The following RAPGEF2 variants were observed in gnomAD, a reference collection of about 807,000 sequenced individuals.
RAPGEF2 encodes the protein Rap guanine nucleotide exchange factor 2.
Under a neutral mutation model 186.7 loss-of-function variants are expected in RAPGEF2, and 54 were observed. The ratio of observed to expected loss-of-function variants is 0.29; its 90% CI spans 0.23 to 0.36. The LOEUF is 0.36. Among genes scored for constraint, RAPGEF2 ranks in the 10% least tolerant of loss-of-function variants. RAPGEF2 has a pLI of 1.00. For missense variants in RAPGEF2, 1,532 were observed against 2,045.0 expected, an observed-to-expected ratio of 0.75 and a Z score of 4.84; for synonymous variants, 712 against 705.9, an observed-to-expected ratio of 1.01 and a Z score of -0.14.
intron 8 of RAPGEF2, among the ~76,000 whole-genome samples, chr4:159,308,928 T>A (rs1763627586): frequency 6.6e-6 from 1 of 152,080 alleles, no homozygotes; most frequent in Non-Finnish European, 1.5e-5. Context: ...AAATAATAGT[T>A]GCAGAGAGTA....
chr4:159,126,463 TTATA>T (rs1157908566), intron 1 of RAPGEF2, among the ~76,000 whole-genome samples: 2 of 152,058 alleles, frequency 1.3e-5, no homozygotes. Context: ...TTAGTTTTCT[TTATA>T]TATGAAATAA....
intron 5 of RAPGEF2, 59 bp from the exon 6 acceptor site, chr4:159,241,142 T>A: frequency 7.7e-6 from 10 of 1,292,970 alleles, no homozygotes; most frequent in Non-Finnish European, 1.0e-6. Context: ...TTTCTGTATC[T>A]AATATTAATA....
intron 4 of RAPGEF2, among the ~76,000 whole-genome samples, chr4:159,233,782 A>G (rs946462250): frequency 1.3e-5 from 2 of 152,064 alleles, no homozygotes; most frequent in Non-Finnish European, 2.9e-5. Context: ...ATTTAAAAAT[A>G]TATATATAAG....
chr4:159,319,435 G>A lies in RAPGEF2; in HGVS notation c.854-2912G>A, dbSNP rs186083714. 2.0e-4 allele frequency among the ~76,000 whole-genome samples: 31 copies of A among 152,186 alleles called. No homozygotes were observed. The East Asian group carries it at 6.0e-3, about 29-fold the overall frequency. Reference sequence around the variant, plus strand: ...AACTATCCCCCCGCACCCACCAAGAGTGGAAAAATTGTCTTTCACGAAACC... The same window carrying A: ...AACTATCCCCCCGCACCCACCAAGAATGGAAAAATTGTCTTTCACGAAACC... On this transcript the variant is annotated intron_variant, in intron 9 of 29. Transcript: ENST00000691494.
chr4:159,195,411 G>C (rs937691904), intron 3 of RAPGEF2, among the ~76,000 whole-genome samples: 3 of 152,212 alleles, frequency 2.0e-5, no homozygotes, highest in African/African-American at 7.2e-5. Context: ...GGATAGTATT[G>C]ATGATGATGA....
chr4:159,311,059 C>T (rs1763892743), intron 8 of RAPGEF2, among the ~76,000 whole-genome samples: 1 of 151,952 alleles, frequency 6.6e-6, no homozygotes, highest in Non-Finnish European at 1.5e-5. Flanking sequence ...GTTGGTCACA[C>T]CTGATTTTGA....
intron 3 of RAPGEF2, among the ~76,000 whole-genome samples, chr4:159,194,990 G>A (rs373127966): frequency 2.0e-5 from 3 of 152,176 alleles, no homozygotes; most frequent in African/African-American, 7.2e-5. Flanking sequence ...AGGGAATGGA[G>A]GAGTCAGGGA....
chr4:159,282,930 A>G (rs1291528330), intron 7 of RAPGEF2, among the ~76,000 whole-genome samples: 1 of 152,210 alleles, frequency 6.6e-6, no homozygotes, highest in Non-Finnish European at 1.5e-5. Flanking sequence ...CTATAACTGC[A>G]CATACTGCTG....
chr4:159,297,237 T>C (rs536677816), intron 7 of RAPGEF2, among the ~76,000 whole-genome samples: 16 of 152,180 alleles, frequency 1.1e-4, no homozygotes, highest in Non-Finnish European at 2.2e-4. Context: ...ATGCATCCCT[T>C]CCCCCAACCC....
chr4:159,250,540 G>C (rs1755191682), intron 7 of RAPGEF2, among the ~76,000 whole-genome samples: 1 of 152,122 alleles, frequency 6.6e-6, no homozygotes, highest in East Asian at 1.9e-4. Flanking sequence ...AGATGTCTAT[G>C]AGAATAGCAA....
In RAPGEF2 at chr4:159,350,254, C is replaced by A; in HGVS notation, c.3830C>A (p.Ser1277Tyr). 1.3e-6 allele frequency: 2 copies of A among 1,598,498 alleles called. No homozygotes were observed. The highest frequency in any genetic ancestry group is 1.7e-6 in the Non-Finnish European group (2 of 1,173,236). The change falls in exon 26 of 30, where the codon TCT (serine) becomes TAT (tyrosine). Residue 1277 changes from serine (S) to tyrosine (Y), a missense_variant. Coordinates refer to ENST00000691494, the MANE Select transcript of RAPGEF2 (RefSeq NM_001394067.2). ...TCAAATGCATCTTCGCAGCTTTCTTCTCCTCCTACTTCTCCACAGAGTTCT... is the reference window on the plus strand; with the variant it reads ...TCAAATGCATCTTCGCAGCTTTCTTATCCTCCTACTTCTCCACAGAGTTCT... ...TISNASSQLS[S>Y]PPTSPQSSPR...
At chr4:159,181,321 C>T (rs1017917826) in intron 1 of RAPGEF2, among the ~76,000 whole-genome samples, 1 of 152,196 alleles carries the variant, frequency 6.6e-6, no homozygotes, top group Non-Finnish European at 1.5e-5. Flanking sequence ...ACTTCTCCAT[C>T]CTTTCCTGAC....
At chr4:159,205,384 CACTT>C (rs1220712791) in intron 3 of RAPGEF2, among the ~76,000 whole-genome samples, 3 of 152,126 alleles carry the variant, frequency 2.0e-5, no homozygotes, top group Non-Finnish European at 2.9e-5. Context: ...ACTACCACTA[CACTT>C]ACTTCTTGTC....
chr4:159,329,697 G>A (rs1766401255), intron 11 of RAPGEF2, 161 bp from the exon 12 acceptor site: 2 of 450,634 alleles, frequency 4.4e-6, no homozygotes. Context: ...TACATTAAAA[G>A]TAGAGAAGTC....
At position 159,198,413 on chromosome 4, in the gene RAPGEF2, C is replaced by CCT. The variant is rs70962662; in HGVS notation, c.197+5176_197+5177dup. Among the ~76,000 whole-genome samples, 1,065 of 111,348 alleles carry CCT rather than the reference C, an allele frequency of 9.6e-3. 38 individuals carry two copies. Among genetic ancestry groups the CCT allele is most frequent in the South Asian group, 0.035 (120 of 3,386 alleles). The allele number at this position is 111,348 out of a possible 152,430, so 73.0% of individuals were successfully genotyped here. A position where few individuals can be genotyped will look rare whatever the true frequency, so the allele number is the denominator to read the frequency against. On this transcript the variant is annotated intron_variant, in intron 3 of 29. Transcript: ENST00000691494. Reference sequence around the variant, plus strand: ...CTTCCTTCCTCTCTCTTCCTCTCTTCCTCTCTCTCTCTCTCTCTCTTTCTT... The same window carrying CCT: ...CTTCCTTCCTCTCTCTTCCTCTCTTCCTCTCTCTCTCTCTCTCTCTCTTTCTT...
chr4:159,253,056 C>T (rs527549320), intron 7 of RAPGEF2, among the ~76,000 whole-genome samples: 5 of 152,306 alleles, frequency 3.3e-5, no homozygotes, highest in African/African-American at 1.2e-4. Flanking sequence ...CATCTGTATT[C>T]AATCTGTTGT....
In RAPGEF2 at chr4:159,212,810, A is replaced by T. The variant is rs1472135608; in HGVS notation, c.281+2227A>T. Among the ~76,000 whole-genome samples, 3 of 152,218 alleles carry T rather than the reference A, an allele frequency of 2.0e-5. No homozygotes were observed. The South Asian group carries it at 6.2e-4, about 32-fold the overall frequency. The stretch of plus-strand genomic sequence containing the variant: ...GTACAAACTAAATCCATAAGACTGA[A>T]ACCCTAGAACAGTGAAGAAGCCAGT... On this transcript the variant is annotated intron_variant, in intron 4 of 29. Transcript: ENST00000691494.
chr4:159,191,052 A>G (rs1748070123), intron 2 of RAPGEF2, among the ~76,000 whole-genome samples: 1 of 152,164 alleles, frequency 6.6e-6, no homozygotes, highest in Non-Finnish European at 1.5e-5. Context: ...GGTCTGGGGC[A>G]TTGCTTTGGA....
At chr4:159,149,637 C>G (rs1264605341) in intron 1 of RAPGEF2, among the ~76,000 whole-genome samples, 1 of 152,112 alleles carries the variant, frequency 6.6e-6, no homozygotes, top group African/African-American at 2.4e-5. Flanking sequence ...AGAGACTGTT[C>G]TTTTGTAAAC....
Sources: gnomAD v4.1 joint callset for allele counts (sites outside exome capture counted in the v4.1 genomes callset) on GRCh38, gnomAD v4.1.1 for gene constraint, MANE v1.5 for transcripts, NCBI Gene and HGNC (gene_info 2026-07-23, HGNC 2026-07-21) for gene names.